Variants in ARID1B observed in about 807,000 individuals in gnomAD.
The protein encoded by ARID1B is AT-rich interaction domain 1B.
A neutral mutation model predicts 212.3 loss-of-function variants in ARID1B; 30 were observed. The ratio of observed to expected loss-of-function variants is 0.14; its 90% CI spans 0.11 to 0.19. ARID1B has a LOEUF of 0.19. Among genes scored for constraint, ARID1B ranks in the 10% least tolerant of loss-of-function variants. The pLI, the probability that ARID1B is intolerant of heterozygous loss-of-function variation, is 1.00. For synonymous variants in ARID1B, 1,402 were observed against 1,301.7 expected (o/e 1.08, Z -1.66); for missense variants, 2,891 against 3,204.0 (o/e 0.90, Z 2.36).
At position 157,094,536 on chromosome 6, in the gene ARID1B, G is replaced by T. The variant is rs71563703; in HGVS notation, c.2491+9631G>T. Among the ~76,000 whole-genome samples the T allele has an allele frequency of 1.3e-5, 2 of 151,874 alleles. No homozygotes were observed. The highest frequency in any genetic ancestry group is 4.8e-5 in the African/African-American group (2 of 41,310). On this transcript the variant is annotated intron_variant, in intron 5 of 19. Transcript: ENST00000636930. This position sits in a 1 kb window ranked among gnomAD's most constrained non-coding sequence, Gnocchi z 4.3. Reference sequence around the variant, plus strand: ...CGCTTGGCTAATTTTTATATTTTTAGTAGAGATGGGGTTTCGCCATGTTGG... The same window carrying T: ...CGCTTGGCTAATTTTTATATTTTTATTAGAGATGGGGTTTCGCCATGTTGG...
chr6:157,056,357 T>C (rs1782955253), intron 4 of ARID1B, among the ~76,000 whole-genome samples: 1 of 152,240 alleles, frequency 6.6e-6, no homozygotes, highest in Admixed American at 6.5e-5. Flanking sequence ...AGTGGGATAT[T>C]ATGGAACATA....
intron 2 of ARID1B, among the ~76,000 whole-genome samples, chr6:156,856,376 T>G (rs1784932663): frequency 1.3e-5 from 2 of 152,158 alleles, no homozygotes; most frequent in African/African-American, 4.8e-5. Flanking sequence ...CATGTGCTGG[T>G]TTTTGGCATT....
At chr6:157,033,878 T>C (rs1781163556) in intron 4 of ARID1B, among the ~76,000 whole-genome samples, 1 of 152,208 alleles carries the variant, frequency 6.6e-6, no homozygotes, top group African/African-American at 2.4e-5. Flanking sequence ...TACTTTGTTA[T>C]CCTAAACCTG....
intron 8 of ARID1B, among the ~76,000 whole-genome samples, chr6:157,165,829 G>A (rs1018771515): frequency 2.0e-5 from 3 of 152,104 alleles, no homozygotes; most frequent in East Asian, 1.9e-4. Context: ...CAGCCTGGGC[G>A]ACAGAATGAG....
At chr6:157,121,517 G>T (rs1787709151) in intron 6 of ARID1B, among the ~76,000 whole-genome samples, 1 of 151,862 alleles carries the variant, frequency 6.6e-6, no homozygotes, top group African/African-American at 2.4e-5. Flanking sequence ...TGCTTATAAG[G>T]ATGTCATAAA....
At chr6:156,969,503 A>C (rs1276606260) in intron 4 of ARID1B, among the ~76,000 whole-genome samples, 1 of 152,216 alleles carries the variant, frequency 6.6e-6, no homozygotes, top group Non-Finnish European at 1.5e-5. Context: ...AAGCTACTGA[A>C]CACATGGTAG....
At chr6:156,986,261 A>AT (rs1225064594) in intron 4 of ARID1B, among the ~76,000 whole-genome samples, 1 of 152,188 alleles carries the variant, frequency 6.6e-6, no homozygotes, top group African/African-American at 2.4e-5. Context: ...TAACACCTGT[A>AT]TGGGAAGGTA....
chr6:157,055,521 C>A (rs7453543), intron 4 of ARID1B, among the ~76,000 whole-genome samples: 7 of 152,134 alleles, frequency 4.6e-5, no homozygotes. Flanking sequence ...TTATAATATT[C>A]TTGATAACAA....
chr6:156,925,550 A>C (rs1791147828), intron 3 of ARID1B, among the ~76,000 whole-genome samples: 1 of 152,188 alleles, frequency 6.6e-6, no homozygotes, highest in Admixed American at 6.5e-5. Flanking sequence ...AAAGTCTGGA[A>C]ATAATTATTC....
In ARID1B at chr6:157,099,612, G is replaced by A. The variant is rs574731690; in HGVS notation, c.2492-10860G>A. Among the ~76,000 whole-genome samples, 158 of 152,274 alleles carry A rather than the reference G, an allele frequency of 1.0e-3. 3 individuals carry two copies. The South Asian group carries it at 0.032, about 31-fold the overall frequency. On this transcript the variant is annotated intron_variant, in intron 5 of 19. Coordinates refer to ENST00000636930, the MANE Select transcript of ARID1B (RefSeq NM_001374828.1). ...TAACGTTTTATAAGTTGGTCTTTAAGGGCTTTTATGAGGACATAATTCACA... is the reference window on the plus strand; with the variant it reads ...TAACGTTTTATAAGTTGGTCTTTAAAGGCTTTTATGAGGACATAATTCACA...
At chr6:156,836,667 TTTTG>T (rs1278510140) in intron 2 of ARID1B, among the ~76,000 whole-genome samples, 1 of 152,096 alleles carries the variant, frequency 6.6e-6, no homozygotes, top group Non-Finnish European at 1.5e-5. Flanking sequence ...AGTATTAGAT[TTTTG>T]TTTGTTTGTT....
chr6:157,039,688 TC>T lies in ARID1B; in HGVS notation c.2248-44972del, dbSNP rs1562569257. On this transcript the variant is annotated intron_variant, in intron 4 of 19. Coordinates refer to ENST00000636930, the MANE Select transcript of ARID1B (RefSeq NM_001374828.1). Reference sequence around the variant, plus strand: ...TTCCTTCCTTCCTTCCTTCCTTCCTTCCTTCCTTCTTTCTTTCCTTTCTTTC... The same window carrying T: ...TTCCTTCCTTCCTTCCTTCCTTCCTTCTTCCTTCTTTCTTTCCTTTCTTTC... Among the ~76,000 whole-genome samples the T allele has an allele frequency of 7.8e-4, 73 of 93,554 alleles. No homozygotes were observed. In the South Asian group the frequency reaches 0.021, roughly 26 times the overall value. 61.4% of individuals were successfully genotyped at this position (93,554 alleles called of 152,430 possible).
At position 156,864,575 on chromosome 6, in the gene ARID1B, C is replaced by T. The variant is rs558272760; in HGVS notation, c.1986+35154C>T. Reference sequence around the variant, plus strand: ...GCTGTGCTGTCAGTAACAGTAGGTACTGCCCGCCTTAGCCCATGCCCACGT... The same window carrying T: ...GCTGTGCTGTCAGTAACAGTAGGTATTGCCCGCCTTAGCCCATGCCCACGT... On this transcript the variant is annotated intron_variant, in intron 2 of 19. Transcript: ENST00000636930. Among the ~76,000 whole-genome samples, 3 of 152,342 alleles carry T rather than the reference C, an allele frequency of 2.0e-5. No homozygotes were observed. The East Asian group carries it at 5.8e-4, about 29-fold the overall frequency.
intron 4 of ARID1B, among the ~76,000 whole-genome samples, chr6:157,005,157 T>C (rs1779171794): frequency 6.6e-6 from 1 of 151,054 alleles, no homozygotes; most frequent in Non-Finnish European, 1.5e-5. Flanking sequence ...GTTGTTGTTG[T>C]TGTTGTTGTT....
rs1789963979 is a variant in ARID1B at position 157,148,521 on chromosome 6, C to T, written c.2762-103C>T. 4 of 1,305,386 alleles carry T rather than the reference C, an allele frequency of 3.1e-6. No homozygotes were observed. The highest frequency in any genetic ancestry group is 1.5e-5 in the African/African-American group (1 of 67,806). 80.9% of individuals were successfully genotyped at this position (1,305,386 alleles called of 1,614,324 possible). On this transcript the variant is annotated intron_variant, in intron 7 of 19. Transcript: ENST00000636930. This position sits in a 1 kb window ranked among gnomAD's most constrained non-coding sequence, Gnocchi z 5.6. ...CAGGAAGGGCCTATAACGGTCATGA[C>T]TAATACTCCGTGCTGATCGCATTGT...
At chr6:157,164,121 C>T (rs1008349309) in intron 8 of ARID1B, among the ~76,000 whole-genome samples, 2 of 152,214 alleles carry the variant, frequency 1.3e-5, no homozygotes, top group African/African-American at 4.8e-5. Context: ...CCAGCCCCTC[C>T]CTGTTCTGGT....
At chr6:157,168,287 G>T (rs1174036697) in intron 9 of ARID1B, 1 of 152,194 alleles carries the variant, frequency 6.6e-6, no homozygotes, top group Admixed American at 6.5e-5. Context: ...ATTTATGAAA[G>T]AGGAACACAT....
intron 4 of ARID1B, among the ~76,000 whole-genome samples, chr6:157,028,009 A>C (rs182123327): frequency 5.0e-4 from 76 of 152,304 alleles, no homozygotes; most frequent in African/African-American, 1.7e-3. Flanking sequence ...TTTTTGGAGA[A>C]TCTAAACTTA....
rs1794676423 is a variant in ARID1B, at chr6:157,209,679, C to A, written c.*1788C>A. On this transcript the variant is annotated 3_prime_UTR_variant, in exon 20 of 20. Coordinates refer to ENST00000636930, the MANE Select transcript of ARID1B (RefSeq NM_001374828.1). Reference sequence around the variant, plus strand: ...AGAGTTATTTTGCATTTAGTTTACTCCACCGTGTATAATATTTATACTGTG... The same window carrying A: ...AGAGTTATTTTGCATTTAGTTTACTACACCGTGTATAATATTTATACTGTG... 4.3e-6 allele frequency: 1 copy of A among 233,190 alleles called. No homozygotes were observed. Among genetic ancestry groups the A allele is most frequent in the Non-Finnish European group, 8.5e-6 (1 of 118,030 alleles). The allele number at this position is 233,190 out of a possible 1,614,324, so 14.4% of individuals were successfully genotyped here.
Sources: allele counts gnomAD v4.1 joint callset (sites outside exome capture counted in the v4.1 genomes callset), GRCh38; gene constraint gnomAD v4.1.1; non-coding constraint Gnocchi (gnomAD v3.1); transcripts MANE v1.5; gene names NCBI Gene and HGNC (gene_info 2026-07-23, HGNC 2026-07-21).